Variants in MTRR observed in about 807,000 individuals in gnomAD.
The protein encoded by MTRR is 5-methyltetrahydrofolate-homocysteine methyltransferase reductase, also known as methionine synthase reductase.
MTRR carries 63 observed loss-of-function variants against 79.2 expected under a neutral mutation model. The ratio of observed to expected loss-of-function variants is 0.80; its 90% CI spans 0.65 to 0.98. The LOEUF (loss-of-function observed/expected upper bound fraction) is 0.98, where lower values mean the gene tolerates loss of function less well. Ranked by LOEUF, MTRR falls within the 50% of genes least tolerant of loss-of-function variation. The probability of loss-of-function intolerance (pLI) is 0.00; values close to 1 mark genes in which losing one functional copy is unlikely to be tolerated. For missense variants in MTRR, 895 were observed against 839.6 expected, an observed-to-expected ratio of 1.07 and a Z score of -0.82; for synonymous variants, 355 against 313.3, an observed-to-expected ratio of 1.13 and a Z score of -1.41.
intron 5 of MTRR, among the ~76,000 whole-genome samples, chr5:7,882,779 T>C (rs959055983): frequency 6.6e-6 from 1 of 152,240 alleles, no homozygotes; most frequent in Non-Finnish European, 1.5e-5. Flanking sequence ...TGTGACCATC[T>C]ACACACATGT....
intron 1 of MTRR, among the ~76,000 whole-genome samples, chr5:7,858,645 C>G (rs1040894271): frequency 2.0e-5 from 3 of 152,084 alleles, no homozygotes; most frequent in Non-Finnish European, 4.4e-5. Flanking sequence ...CTGTGCAAGG[C>G]ACTTTTCTAA....
At chr5:7,881,583 C>A (rs1735605545) in intron 5 of MTRR, among the ~76,000 whole-genome samples, 1 of 152,112 alleles carries the variant, frequency 6.6e-6, no homozygotes, top group African/African-American at 2.4e-5. Flanking sequence ...TTAAGGGAAT[C>A]TGAGTATTCA....
chr5:7,867,777 A>G (rs777542253), upstream of MTRR: 1 of 1,614,234 alleles, frequency 6.2e-7, no homozygotes, highest in Non-Finnish European at 8.5e-7. Flanking sequence ...AGTCTCCTGT[A>G]AAACATCTGA....
At chr5:7,866,979 C>A (rs769989253), upstream of MTRR, 216 of 1,614,002 alleles carry the variant, frequency 1.3e-4, no homozygotes, top group Non-Finnish European at 1.8e-4. Context: ...CAGACAACTT[C>A]AGGATCCAAC....
At chr5:7,862,762 T>C (rs1289925418) in intron 2 of MTRR, 5 of 1,417,394 alleles carry the variant, frequency 3.5e-6, no homozygotes, top group Non-Finnish European at 4.9e-6. Flanking sequence ...AAGTCCCATA[T>C]ATCTCCAAAA....
chr5:7,877,922 T>C, intron 4 of MTRR, 22 bp from the exon 5 acceptor site: 1 of 1,610,082 alleles, frequency 6.2e-7, no homozygotes. Flanking sequence ...TGTTTTGTTT[T>C]TCGTTTGTTT....
chr5:7,899,490 G>A (rs997650117), intron 14 of MTRR, among the ~76,000 whole-genome samples: 2 of 152,210 alleles, frequency 1.3e-5, no homozygotes, highest in Admixed American at 6.5e-5. Context: ...GTTACTAACT[G>A]TATGTGTATA....
Position 7,885,749 on chromosome 5 carries a change from C to T in MTRR, c.952C>T (p.Pro318Ser), listed in dbSNP as rs375421492. The change falls in exon 7 of 15, where the codon CCT (proline) becomes TCT (serine). Residue 318 changes from proline (P) to serine (S), a missense_variant. Transcript: ENST00000440940. ...TGGAGATGCCTTCAGCGTGATCTGCCCTAACAGTGATTCTGAGGTACAAAG... is the reference window on the plus strand; with the variant it reads ...TGGAGATGCCTTCAGCGTGATCTGCTCTAACAGTGATTCTGAGGTACAAAG... ...QPGDAFSVICPNSDSEVQSLL... is the reference protein window; with the variant it reads ...QPGDAFSVICSNSDSEVQSLL... The T allele has an allele frequency of 4.1e-5, 66 of 1,613,656 alleles. No individual in the cohort carries two copies. The highest frequency in any genetic ancestry group is 5.4e-5 in the African/African-American group (4 of 74,748).
At chr5:7,875,866 A>G (rs1367858145) in intron 4 of MTRR, among the ~76,000 whole-genome samples, 2 of 152,228 alleles carry the variant, frequency 1.3e-5, no homozygotes, top group South Asian at 2.1e-4. Flanking sequence ...CACCATGCCA[A>G]TCAGACGTTT....
At chr5:7,895,682 A>T in intron 11 of MTRR, 52 bp from the exon 12 acceptor site, 1 of 1,605,240 alleles carries the variant, frequency 6.2e-7, no homozygotes. Flanking sequence ...TTGATTATAT[A>T]CTCTTGCCTA....
intron 1 of MTRR, chr5:7,861,234 C>A: frequency 6.2e-7 from 1 of 1,610,744 alleles, no homozygotes; most frequent in Non-Finnish European, 8.5e-7. Flanking sequence ...GGAGCAAAAC[C>A]TTTTTGGACC....
intron 11 of MTRR, 121 bp from the exon 12 acceptor site, chr5:7,895,613 T>C: frequency 7.7e-7 from 1 of 1,294,150 alleles, no homozygotes; most frequent in Non-Finnish European, 1.1e-6. Context: ...GATGCCACTA[T>C]TTAGTGATGT....
chr5:7,896,726 A>G, intron 12 of MTRR, 138 bp from the exon 13 acceptor site: 1 of 752,134 alleles, frequency 1.3e-6, no homozygotes, highest in South Asian at 1.6e-5. Flanking sequence ...TAAAATGCTA[A>G]TTAAATGACT....
chr5:7,868,699 A>G (rs1337978376), upstream of MTRR, among the ~76,000 whole-genome samples: 4 of 152,348 alleles, frequency 2.6e-5, no homozygotes, highest in African/African-American at 9.6e-5. Context: ...AGAAAAAGCA[A>G]AACATAGATC....
At chr5:7,857,329 G>C (rs1397367603) in intron 1 of MTRR, among the ~76,000 whole-genome samples, 1 of 152,154 alleles carries the variant, frequency 6.6e-6, no homozygotes, top group Non-Finnish European at 1.5e-5. Flanking sequence ...TGAGAATTCA[G>C]TTTAAAAGGA....
intron 10 of MTRR, among the ~76,000 whole-genome samples, chr5:7,892,124 C>T (rs1737711905): frequency 1.3e-5 from 2 of 152,176 alleles, no homozygotes; most frequent in Non-Finnish European, 2.9e-5. Context: ...CAGCCTCTAC[C>T]GTTTTCCCGT....
Position 7,900,483 on chromosome 5 carries a change from GA to G in MTRR, c.*426del, listed in dbSNP as rs1252471699. On this transcript the variant is annotated 3_prime_UTR_variant, in exon 15 of 15. Transcript: ENST00000440940. Reference sequence around the variant, plus strand: ...GTATGAAAATGATTTATTTTTATATGATGTATACCCATAAAGAATGCTCATA... The same window carrying G: ...GTATGAAAATGATTTATTTTTATATGTGTATACCCATAAAGAATGCTCATA... 2 of 198,686 alleles carry G rather than the reference GA, an allele frequency of 1.0e-5. No homozygotes were observed. The highest frequency in any genetic ancestry group is 4.7e-5 in the African/African-American group (2 of 42,390). The allele number at this position is 198,686 out of a possible 1,614,324, so 12.3% of individuals were successfully genotyped here.
chr5:7,851,114 C>T, upstream of MTRR: 4 of 1,217,614 alleles, frequency 3.3e-6, no homozygotes, highest in South Asian at 1.2e-4. Context: ...TTGCTCAGCG[C>T]CAGCGTCTAG....
At chr5:7,862,822 C>G (rs771905793) in intron 2 of MTRR, 1 of 1,610,006 alleles carries the variant, frequency 6.2e-7, no homozygotes. Context: ...ATACTACTTA[C>G]CTATTGTATA....
Sources: allele counts gnomAD v4.1 joint callset (sites outside exome capture counted in the v4.1 genomes callset), GRCh38; gene constraint gnomAD v4.1.1; transcripts MANE v1.5; gene names NCBI Gene and HGNC (gene_info 2026-07-23, HGNC 2026-07-21).